ABR: variants seen among roughly 807,000 people sequenced by gnomAD.
ABR encodes the protein ABR activator of RhoGEF and GTPase, also known as active breakpoint cluster region-related protein.
Under a neutral mutation model 107.2 loss-of-function variants are expected in ABR, and 35 were observed. That is an observed-to-expected ratio of 0.33 (90% CI 0.25 to 0.43). The LOEUF (loss-of-function observed/expected upper bound fraction) is 0.43, where lower values mean the gene tolerates loss of function less well. Ranked by LOEUF, ABR falls within the 20% of genes least tolerant of loss-of-function variation. The pLI is 1.00. For synonymous variants in ABR, 498 were observed against 462.0 expected (o/e 1.08, Z -1.00); for missense variants, 815 against 1,115.2 (o/e 0.73, Z 3.83).
In ABR at chr17:1,103,481, G is replaced by A. The variant is rs996281594; in HGVS notation, c.247-2746C>T. Among the ~76,000 whole-genome samples the A allele has an allele frequency of 8.5e-5, 13 of 152,276 alleles. 1 individual carries two copies. In the South Asian group the frequency reaches 2.1e-3, roughly 24 times the overall value. On this transcript the variant is annotated intron_variant, in intron 2 of 22. Coordinates refer to ENST00000302538, the MANE Select transcript of ABR (RefSeq NM_021962.5). ...CTGAGGGTTTAGCAAATGCCACACC[G>A]TGAGCTGTAACTGTAGAGCTGGTTG...
chr17:1,031,591 C>CG lies in ABR; in HGVS notation c.1792-18428dup, dbSNP rs755163263. The CG allele has an allele frequency of 5.4e-4, 656 of 1,223,560 alleles. 2 individuals carry two copies. The African/African-American group carries it at 9.4e-3, about 17-fold the overall frequency. 75.8% of individuals were successfully genotyped at this position (1,223,560 alleles called of 1,614,324 possible). On this transcript the variant is annotated intron_variant, in intron 16 of 22. Transcript: ENST00000302538. ...CACCCCCCGGAACCTCCAGCCCCCG[C>CG]GGGCACCTTGTTTCGGAGCAGCTTG...
intron 1 of ABR, among the ~76,000 whole-genome samples, chr17:1,167,767 T>G (rs9891415): frequency 0.3 from 45,696 of 152,164 alleles, 7,146 homozygotes; most frequent in Non-Finnish European, 0.34. Flanking sequence ...CGGAAGCCTT[T>G]GTTATTCTCC....
intron 1 of ABR, among the ~76,000 whole-genome samples, chr17:1,207,686 G>A (rs1396695781): frequency 6.6e-6 from 1 of 151,670 alleles, no homozygotes; most frequent in East Asian, 1.9e-4. Context: ...GGGAAAAAAG[G>A]AAACTGTTGG....
At chr17:1,060,779 T>G (rs901365872) in intron 10 of ABR, among the ~76,000 whole-genome samples, 1 of 151,690 alleles carries the variant, frequency 6.6e-6, no homozygotes, top group African/African-American at 2.4e-5. Flanking sequence ...GATCATGAGG[T>G]CAGGAGTTTG....
At chr17:1,123,635 C>T (rs1349430962) in intron 2 of ABR, among the ~76,000 whole-genome samples, 2 of 152,216 alleles carry the variant, frequency 1.3e-5, no homozygotes, top group African/African-American at 2.4e-5. Context: ...GGCCCCACAC[C>T]GGGATTCCGC....
intron 1 of ABR, among the ~76,000 whole-genome samples, chr17:1,198,925 G>A (rs183568084): frequency 6.0e-5 from 9 of 148,906 alleles, no homozygotes; most frequent in African/African-American, 1.3e-4. Flanking sequence ...GAGCTACCGC[G>A]CCTGGCCAAT....
At chr17:1,032,754 A>G (rs1428611863) in intron 16 of ABR, among the ~76,000 whole-genome samples, 2 of 152,222 alleles carry the variant, frequency 1.3e-5, no homozygotes, top group Admixed American at 1.3e-4. Context: ...TCTCAAGGTA[A>G]CAGTGCAAGT....
In ABR at chr17:1,128,929, G is replaced by A. The variant is rs183902337; in HGVS notation, c.62-3562C>T. Among the ~76,000 whole-genome samples the A allele has an allele frequency of 3.1e-4, 42 of 137,636 alleles. 2 individuals carry two copies. The highest frequency in any genetic ancestry group is 1.1e-3 in the African/African-American group (38 of 35,434). The allele number at this position is 137,636 out of a possible 152,430, so 90.3% of individuals were successfully genotyped here. A position where few individuals can be genotyped will look rare whatever the true frequency, so the allele number is the denominator to read the frequency against. ...AGCCCACCCCAGGAAGGTCTACCTC[G>A]GGGCGTTTTTACATAAAAGAAAGAA... On this transcript the variant is annotated intron_variant, in intron 1 of 22. Transcript: ENST00000302538.
Position 1,006,130 on chromosome 17 carries a change from A to C in ABR, c.2530T>G (p.Ser844Ala), listed in dbSNP as rs1253468577. The C allele has an allele frequency of 3.1e-6, 5 of 1,588,660 alleles. No individual in the cohort carries two copies. The South Asian group carries it at 3.4e-5, about 11-fold the overall frequency. The change falls in exon 23 of 23, where the codon TCC (serine) becomes GCC (alanine). Residue 844 changes from serine to alanine, a missense_variant. Coordinates refer to ENST00000302538, the MANE Select transcript of ABR (RefSeq NM_021962.5). ...GTGTTCCGCTTGAGTTCTGCGAAGGAAATGGGGGGGTGCTGCAGGTAGTAG... is the reference window on the plus strand; with the variant it reads ...GTGTTCCGCTTGAGTTCTGCGAAGGCAATGGGGGGGTGCTGCAGGTAGTAG... ...LLYYLQHPPI[S>A]FAELKRNTLY...
At chr17:1,153,735 GGTCCAGGC>G in intron 1 of ABR, 1 of 177,070 alleles carries the variant, frequency 5.6e-6, no homozygotes, top group Non-Finnish European at 1.1e-5. Context: ...GAGGGCTGGG[GGTCCAGGC>G]ACACCTGCGG....
chr17:1,048,179 C>T (rs942028177), intron 16 of ABR, among the ~76,000 whole-genome samples: 4 of 152,194 alleles, frequency 2.6e-5, no homozygotes, highest in African/African-American at 9.6e-5. Context: ...TCCTAAATCA[C>T]GAAGGACTGG....
At chr17:1,012,137 C>A in intron 18 of ABR, 152 bp from the exon 19 acceptor site, 1 of 1,228,706 alleles carries the variant, frequency 8.1e-7, no homozygotes, top group Non-Finnish European at 1.2e-6. Context: ...AAAGAGGCCA[C>A]CGCACCCCAC....
intron 1 of ABR, among the ~76,000 whole-genome samples, chr17:1,218,480 G>T (rs2150754031): frequency 6.6e-6 from 1 of 152,306 alleles, no homozygotes; most frequent in South Asian, 2.1e-4. Context: ...CTGGAGTAGA[G>T]AATAACTTTG....
chr17:1,041,229 G>C (rs1277509966), intron 16 of ABR, among the ~76,000 whole-genome samples: 1 of 152,046 alleles, frequency 6.6e-6, no homozygotes, highest in South Asian at 2.1e-4. Context: ...AAGTTCTCTT[G>C]TTTTCTTTAC....
rs111842849 is a variant in ABR, at chr17:1,049,704, A to G, written c.1791+346T>C. 6.7e-4 allele frequency among the ~76,000 whole-genome samples: 102 copies of G among 152,246 alleles called. 1 individual carries two copies. Among genetic ancestry groups the G allele is most frequent in the African/African-American group, 2.3e-3 (95 of 41,546 alleles). On this transcript the variant is annotated intron_variant, in intron 16 of 22. Coordinates refer to ENST00000302538, the MANE Select transcript of ABR (RefSeq NM_021962.5). Reference sequence around the variant, plus strand: ...GCAGACACGGCTCCTCACACACAGCATTCCTCCCTCCCGTTCACCGACGCA... The same window carrying G: ...GCAGACACGGCTCCTCACACACAGCGTTCCTCCCTCCCGTTCACCGACGCA...
At chr17:1,031,628 GC>G (rs1441344692) in intron 16 of ABR, 1 of 1,248,614 alleles carries the variant, frequency 8.0e-7, no homozygotes, top group Non-Finnish European at 1.0e-6. Context: ...TGCGCACGCG[GC>G]CCCAGAGCCG....
At chr17:1,108,766 GAGGCAGGCCCGCCCCTCTCCCCCGGGA>G (rs1455524992) in intron 2 of ABR, among the ~76,000 whole-genome samples, 1 of 152,022 alleles carries the variant, frequency 6.6e-6, no homozygotes, top group Non-Finnish European at 1.5e-5. Flanking sequence ...ACCGGTCGGG[GAGGCAGGCCCGCCCCTCTCCCCCGGGA>G]ACAGCTGCCG....
intron 1 of ABR, among the ~76,000 whole-genome samples, chr17:1,186,436 G>T (rs1161588459): frequency 6.6e-6 from 1 of 152,202 alleles, no homozygotes; most frequent in Non-Finnish European, 1.5e-5. Flanking sequence ...GCTCCCCGGG[G>T]AGCTGCATTC....
upstream of ABR, among the ~76,000 whole-genome samples, chr17:1,190,042 C>A (rs772369369): frequency 6.6e-5 from 10 of 152,340 alleles, no homozygotes; most frequent in South Asian, 2.1e-4. Context: ...TCGAGAATGA[C>A]CACCCTCTCT....
Sources: allele counts gnomAD v4.1 joint callset (sites outside exome capture counted in the v4.1 genomes callset), GRCh38; gene constraint gnomAD v4.1.1; transcripts MANE v1.5; gene names NCBI Gene and HGNC (gene_info 2026-07-23, HGNC 2026-07-21).